Variants in SLC12A6 observed in about 807,000 individuals in gnomAD.
SLC12A6 encodes the protein solute carrier family 12 member 6.
SLC12A6 carries 66 observed loss-of-function variants against 135.3 expected under a neutral mutation model. The observed-to-expected ratio is 0.49, with a 90% CI of 0.40 to 0.60. The LOEUF (loss-of-function observed/expected upper bound fraction) is 0.60, where lower values mean the gene tolerates loss of function less well. Among genes scored for constraint, SLC12A6 ranks in the 20% least tolerant of loss-of-function variants. The pLI, the probability that SLC12A6 is intolerant of heterozygous loss-of-function variation, is 0.00. For missense variants in SLC12A6, 1,058 were observed against 1,452.3 expected (o/e 0.73, Z 4.41); for synonymous variants, 513 against 508.8 (o/e 1.01, Z -0.11).
In SLC12A6 at chr15:34,311,334, T is replaced by C. The variant is rs188262428; in HGVS notation, c.271+25076A>G. On this transcript the variant is annotated intron_variant, in intron 2 of 25. Coordinates refer to ENST00000354181, the MANE Select transcript of SLC12A6 (RefSeq NM_001365088.1). ...ATATTTATTTTTATTTTTTAATACA[T>C]ATATTTTTAGGCTAGCCAAGTGAAG... Among the ~76,000 whole-genome samples the C allele has an allele frequency of 2.1e-4, 32 of 152,272 alleles. No homozygotes were observed. In the South Asian group the frequency reaches 4.1e-3, roughly 20 times the overall value.
At chr15:34,323,620 C>T (rs1000282465) in intron 2 of SLC12A6, among the ~76,000 whole-genome samples, 1 of 152,168 alleles carries the variant, frequency 6.6e-6, no homozygotes, top group African/African-American at 2.4e-5. Context: ...ATGAAACCAG[C>T]CTCTGGTGCC....
At position 34,229,863 on chromosome 15, in the gene SLC12A6, A is replaced by G. The variant is rs755208093; in HGVS notation, c.*4018T>C. The G allele has an allele frequency of 1.1e-5, 15 of 1,377,598 alleles. No homozygotes were observed. In the Admixed American group the frequency reaches 1.2e-4, roughly 11 times the overall value. 85.3% of individuals were successfully genotyped at this position (1,377,598 alleles called of 1,614,324 possible). A position where few individuals can be genotyped will look rare whatever the true frequency, so the allele number is the denominator to read the frequency against. On this transcript the variant is annotated 3_prime_UTR_variant, in exon 26 of 26. Transcript: ENST00000354181. ...CCTTCTTTAAGCCCAGTGGCTCCTC[A>G]GCATACTCTTAAACTAATCACTTAT...
At chr15:34,274,148 T>G (rs1261024919) in intron 3 of SLC12A6, among the ~76,000 whole-genome samples, 1 of 152,158 alleles carries the variant, frequency 6.6e-6, no homozygotes, top group Admixed American at 6.6e-5. Flanking sequence ...AAAATTATAG[T>G]GCAGGAGCAC....
intron 23 of SLC12A6, 129 bp downstream of exon 23, chr15:34,236,579 T>G: frequency 1.4e-6 from 1 of 712,326 alleles, no homozygotes; most frequent in Non-Finnish European, 2.6e-6. Context: ...CCTGACCTCT[T>G]GATCCACCCG....
chr15:34,325,978 A>G (rs1889432795), intron 2 of SLC12A6, among the ~76,000 whole-genome samples: 2 of 152,158 alleles, frequency 1.3e-5, no homozygotes, highest in African/African-American at 2.4e-5. Context: ...TACTTTTTCA[A>G]CTTCCTAAAA....
At chr15:34,299,079 A>T (rs1896071569) in intron 2 of SLC12A6, among the ~76,000 whole-genome samples, 1 of 152,188 alleles carries the variant, frequency 6.6e-6, no homozygotes, top group African/African-American at 2.4e-5. Flanking sequence ...TGTGTGGGGT[A>T]CTAATCTGAG....
chr15:34,265,048 T>A (rs1040190381), intron 3 of SLC12A6, among the ~76,000 whole-genome samples: 12 of 152,102 alleles, frequency 7.9e-5, no homozygotes, highest in African/African-American at 2.9e-4. Flanking sequence ...ATACAAAAAA[T>A]TAGCCGGGCG....
chr15:34,256,147 C>A, intron 7 of SLC12A6, 82 bp downstream of exon 7: 1 of 870,658 alleles, frequency 1.1e-6, no homozygotes, highest in Non-Finnish European at 2.0e-6. Flanking sequence ...TTCTATTCTT[C>A]AGAAGTTTGC....
Position 34,231,650 on chromosome 15 carries a change from T to C in SLC12A6, c.*2231A>G, listed in dbSNP as rs923093610. 2.7e-5 allele frequency: 4 copies of C among 150,228 alleles called. No homozygotes were observed. The highest frequency in any genetic ancestry group is 5.9e-5 in the Non-Finnish European group (4 of 67,640). 9.3% of individuals were successfully genotyped at this position (150,228 alleles called of 1,614,324 possible). ...TGTCGCCCAGGCTGGAGTGCAGTGGTGCAATCTCGGTTCACTGCAAGTTCC... is the reference window on the plus strand; with the variant it reads ...TGTCGCCCAGGCTGGAGTGCAGTGGCGCAATCTCGGTTCACTGCAAGTTCC... On this transcript the variant is annotated 3_prime_UTR_variant, in exon 26 of 26. Transcript: ENST00000354181.
intron 2 of SLC12A6, among the ~76,000 whole-genome samples, chr15:34,280,354 T>C (rs189817746): frequency 6.6e-6 from 1 of 152,266 alleles, no homozygotes; most frequent in African/African-American, 2.4e-5. Context: ...CGCATATACA[T>C]CAGAATTAAG....
At chr15:34,235,981 AT>A in intron 24 of SLC12A6, 33 bp downstream of exon 24, 1 of 1,557,738 alleles carries the variant, frequency 6.4e-7, no homozygotes, top group Non-Finnish European at 8.9e-7. Context: ...TGATTAGGTA[AT>A]TTTATGATAA....
At chr15:34,238,208 T>TAA in intron 21 of SLC12A6, 24 bp downstream of exon 21, 1 of 1,542,724 alleles carries the variant, frequency 6.5e-7, no homozygotes, top group Non-Finnish European at 9.0e-7. Context: ...AAGACTTTTG[T>TAA]AAAAAAAAAG....
intron 2 of SLC12A6, among the ~76,000 whole-genome samples, chr15:34,322,436 A>G (rs896215233): frequency 2.6e-5 from 4 of 152,146 alleles, no homozygotes; most frequent in African/African-American, 4.8e-5. Context: ...ACCTCAAAAG[A>G]AAAAAAGCTG....
chr15:34,336,261 G>C, intron 2 of SLC12A6, 149 bp downstream of exon 2: 1 of 726,304 alleles, frequency 1.4e-6, no homozygotes, highest in Non-Finnish European at 2.5e-6. Context: ...ATTCCAAAGA[G>C]TTCCTAAGCA....
intron 2 of SLC12A6, among the ~76,000 whole-genome samples, chr15:34,321,218 A>AT (rs1392123497): frequency 6.6e-6 from 1 of 152,246 alleles, no homozygotes; most frequent in African/African-American, 2.4e-5. Flanking sequence ...ATTTTATTTC[A>AT]TTGGTTCTTA....
At chr15:34,265,411 A>C (rs1361218127) in intron 3 of SLC12A6, among the ~76,000 whole-genome samples, 2 of 150,622 alleles carry the variant, frequency 1.3e-5, no homozygotes, top group Non-Finnish European at 3.0e-5. Context: ...TTAAAAAAAA[A>C]AAAACAAACA....
chr15:34,260,540 G>A (rs543521011), intron 4 of SLC12A6, among the ~76,000 whole-genome samples: 1 of 152,334 alleles, frequency 6.6e-6, no homozygotes, highest in African/African-American at 2.4e-5. Context: ...TTACAGGCGT[G>A]AGCCACCGCG....
At chr15:34,304,247 G>A (rs547934056) in intron 2 of SLC12A6, among the ~76,000 whole-genome samples, 3 of 152,200 alleles carry the variant, frequency 2.0e-5, no homozygotes, top group South Asian at 2.1e-4. Context: ...GCAGGAATCA[G>A]TACTTTGTTT....
At chr15:34,264,095 T>G (rs2140808106) in intron 3 of SLC12A6, among the ~76,000 whole-genome samples, 1 of 152,198 alleles carries the variant, frequency 6.6e-6, no homozygotes, top group South Asian at 2.1e-4. Flanking sequence ...GAAAATTTCT[T>G]CCTTATAGAA....
Sources: allele counts gnomAD v4.1 joint callset (sites outside exome capture counted in the v4.1 genomes callset), GRCh38; gene constraint gnomAD v4.1.1; transcripts MANE v1.5; gene names NCBI Gene and HGNC (gene_info 2026-07-23, HGNC 2026-07-21).